Variants in DLGAP1 observed in about 807,000 individuals in gnomAD.
DLGAP1 encodes disks large-associated protein 1.
DLGAP1 carries 11 observed loss-of-function variants against 90.8 expected under a neutral mutation model. The ratio of observed to expected loss-of-function variants is 0.12; its 90% CI spans 0.08 to 0.20. The LOEUF (loss-of-function observed/expected upper bound fraction) is 0.20, where lower values mean the gene tolerates loss of function less well. DLGAP1 is among the 10% of genes least tolerant of loss of function. The probability of loss-of-function intolerance (pLI) is 1.00; values close to 1 mark genes in which losing one functional copy is unlikely to be tolerated. For synonymous variants in DLGAP1, 558 were observed against 540.7 expected (o/e 1.03, Z -0.44); for missense variants, 1,050 against 1,333.8 (o/e 0.79, Z 3.31).
chr18:4,265,211 C>T (rs370998074), intron 1 of DLGAP1, among the ~76,000 whole-genome samples: 9 of 151,046 alleles, frequency 6.0e-5, no homozygotes, highest in African/African-American at 2.2e-4. Flanking sequence ...CTCTGTCACC[C>T]AGGCTGGAGT....
At chr18:3,915,851 C>CT (rs1392477689) in intron 3 of DLGAP1, among the ~76,000 whole-genome samples, 1 of 151,836 alleles carries the variant, frequency 6.6e-6, no homozygotes, top group Non-Finnish European at 1.5e-5. Context: ...CATCTTACTG[C>CT]TTTTAGGAAA....
At chr18:3,871,559 C>T (rs2070750519) in intron 4 of DLGAP1, among the ~76,000 whole-genome samples, 1 of 152,138 alleles carries the variant, frequency 6.6e-6, no homozygotes, top group South Asian at 2.1e-4. Context: ...TTGTTGGATT[C>T]TCCCTTATTA....
intron 1 of DLGAP1, among the ~76,000 whole-genome samples, chr18:4,434,365 T>G (rs1285684740): frequency 6.6e-6 from 1 of 152,126 alleles, no homozygotes; most frequent in African/African-American, 2.4e-5. Flanking sequence ...ACTGATACAC[T>G]AACTTCTCCT....
At chr18:4,404,521 C>G (rs1187055802) in intron 1 of DLGAP1, among the ~76,000 whole-genome samples, 1 of 152,138 alleles carries the variant, frequency 6.6e-6, no homozygotes, top group Non-Finnish European at 1.5e-5. Context: ...CTATCATGAG[C>G]TGACAAAAAC....
At chr18:3,557,730 C>T (rs1378592664) in intron 9 of DLGAP1, among the ~76,000 whole-genome samples, 1 of 152,044 alleles carries the variant, frequency 6.6e-6, no homozygotes, top group Non-Finnish European at 1.5e-5. Context: ...TGTTCATGAC[C>T]AGCCTGGCCA....
intron 1 of DLGAP1, among the ~76,000 whole-genome samples, chr18:4,440,599 C>A (rs1395255883): frequency 6.6e-6 from 1 of 151,988 alleles, no homozygotes; most frequent in Non-Finnish European, 1.5e-5. Flanking sequence ...TAATTCAGAA[C>A]CAAACAAAAG....
chr18:3,814,701 A>G (rs78472498), intron 4 of DLGAP1, among the ~76,000 whole-genome samples: 6,336 of 152,264 alleles, frequency 0.042, 168 homozygotes, highest in South Asian at 0.11. Context: ...TACATGAGCT[A>G]TTTTGATACA....
chr18:3,616,677 C>T (rs2057881961), intron 7 of DLGAP1, among the ~76,000 whole-genome samples: 1 of 151,950 alleles, frequency 6.6e-6, no homozygotes, highest in Non-Finnish European at 1.5e-5. Context: ...ATCACTTGAG[C>T]CCAGAAGGTC....
chr18:3,661,939 T>C (rs777022436), intron 7 of DLGAP1, among the ~76,000 whole-genome samples: 11 of 152,048 alleles, frequency 7.2e-5, no homozygotes, highest in Non-Finnish European at 1.2e-4. Context: ...AAATTGTCAC[T>C]GGAGCCTGGA....
chr18:4,014,391 A>G (rs2074485126), intron 2 of DLGAP1, among the ~76,000 whole-genome samples: 1 of 152,152 alleles, frequency 6.6e-6, no homozygotes, highest in African/African-American at 2.4e-5. Context: ...TTCACAGCAA[A>G]TAACAAACAT....
Position 3,788,782 on chromosome 18 carries a change from A to G in DLGAP1, c.1172+25277T>C, listed in dbSNP as rs980580045. Among the ~76,000 whole-genome samples, 41 of 152,240 alleles carry G rather than the reference A, an allele frequency of 2.7e-4. 1 individual carries two copies. Among genetic ancestry groups the G allele is most frequent in the African/African-American group, 8.9e-4 (37 of 41,464 alleles). ...AAAGCACCTGTAAATACACAGAGAA[A>G]TAGTTATGAATCAATGTTTAAGTGA... is the stretch of plus-strand genomic sequence containing the variant. On this transcript the variant is annotated intron_variant, in intron 5 of 12. Coordinates refer to ENST00000315677, the MANE Select transcript of DLGAP1 (RefSeq NM_004746.4).
At chr18:4,259,541 A>G (rs557757426) in intron 1 of DLGAP1, among the ~76,000 whole-genome samples, 66 of 152,304 alleles carry the variant, frequency 4.3e-4, no homozygotes, top group African/African-American at 1.6e-3. Context: ...CAGCAGTTGT[A>G]GTGGCGAGGC....
intron 4 of DLGAP1, among the ~76,000 whole-genome samples, chr18:3,839,912 C>A (rs548905062): frequency 1.1e-3 from 173 of 152,344 alleles, no homozygotes; most frequent in Admixed American, 2.9e-3. Flanking sequence ...TGCTCAGACA[C>A]CCTGGCTGTC....
chr18:4,432,194 G>T (rs1010115439), intron 1 of DLGAP1, among the ~76,000 whole-genome samples: 7 of 152,136 alleles, frequency 4.6e-5, no homozygotes, highest in African/African-American at 1.7e-4. Context: ...AACTTTGCAA[G>T]AATTTTGTTG....
intron 1 of DLGAP1, among the ~76,000 whole-genome samples, chr18:4,392,247 C>T (rs1019165805): frequency 1.3e-5 from 2 of 152,152 alleles, no homozygotes; most frequent in African/African-American, 4.8e-5. Flanking sequence ...AGACCTCCTG[C>T]TCCACATCAT....
chr18:4,024,186 A>C (rs9956100), intron 2 of DLGAP1, among the ~76,000 whole-genome samples: 39,522 of 152,114 alleles, frequency 0.26, 5,567 homozygotes, highest in South Asian at 0.41. Context: ...CATCCCTCTT[A>C]TTAATTGTTC....
intron 4 of DLGAP1, among the ~76,000 whole-genome samples, chr18:3,814,666 G>A (rs1297685672): frequency 3.3e-5 from 5 of 152,012 alleles, no homozygotes; most frequent in Non-Finnish European, 5.9e-5. Context: ...TTATGAGTAC[G>A]TAGTAAGTGT....
intron 2 of DLGAP1, among the ~76,000 whole-genome samples, chr18:4,094,188 T>C (rs987101271): frequency 6.6e-6 from 1 of 152,188 alleles, no homozygotes; most frequent in African/African-American, 2.4e-5. Context: ...TTGACATTAA[T>C]TCAAAGAGAT....
At chr18:4,263,786 A>ATT (rs112282908) in intron 1 of DLGAP1, among the ~76,000 whole-genome samples, 1 of 152,080 alleles carries the variant, frequency 6.6e-6, no homozygotes. Flanking sequence ...TCATCTTTGT[A>ATT]TTTTTTTAAT....
Sources: gnomAD v4.1 joint callset for allele counts (sites outside exome capture counted in the v4.1 genomes callset) on GRCh38, gnomAD v4.1.1 for gene constraint, MANE v1.5 for transcripts, NCBI Gene and HGNC (gene_info 2026-07-23, HGNC 2026-07-21) for gene names.